Variants in GSE1 observed in about 807,000 individuals in gnomAD.
The protein encoded by GSE1 is Gse1 coiled-coil protein, also known as genetic suppressor element 1.
GSE1 carries 32 observed loss-of-function variants against 112.6 expected under a neutral mutation model. The observed-to-expected ratio is 0.28, with a 90% confidence interval of 0.21 to 0.38. The LOEUF is 0.38. Among genes scored for constraint, GSE1 ranks in the 10% least tolerant of loss-of-function variants. The pLI is 1.00. For missense variants in GSE1, 2,348 were observed against 1,699.2 expected, an observed-to-expected ratio of 1.38 and a Z score of -6.71; for synonymous variants, 1,115 against 735.6, an observed-to-expected ratio of 1.52 and a Z score of -8.35.
intron 1 of GSE1, among the ~76,000 whole-genome samples, chr16:85,194,239 AC>A (rs2074884536): frequency 6.6e-6 from 1 of 151,966 alleles, no homozygotes; most frequent in African/African-American, 2.4e-5. Context: ...CTGGGCTGAG[AC>A]CCCTGGCCCT....
At chr16:85,383,569 C>G (rs998688392) in intron 2 of GSE1, among the ~76,000 whole-genome samples, 1 of 141,914 alleles carries the variant, frequency 7.0e-6, no homozygotes, top group Non-Finnish European at 1.5e-5. Context: ...CTCTCTCTCT[C>G]TCTCTGACAC....
chr16:85,241,224 A>G (rs924770890), intron 1 of GSE1, among the ~76,000 whole-genome samples: 1 of 152,046 alleles, frequency 6.6e-6, no homozygotes, highest in Non-Finnish European at 1.5e-5. Context: ...CTCCTCCCAG[A>G]GCCTCAGTTC....
At chr16:85,320,702 G>A (rs943791012) in intron 1 of GSE1, among the ~76,000 whole-genome samples, 2 of 152,176 alleles carry the variant, frequency 1.3e-5, no homozygotes, top group South Asian at 2.1e-4. Flanking sequence ...GAGGTTTTGA[G>A]CAGCATGACT....
chr16:85,190,577 C>G (rs540801774), intron 1 of GSE1, among the ~76,000 whole-genome samples: 4 of 152,376 alleles, frequency 2.6e-5, no homozygotes, highest in Non-Finnish European at 5.9e-5. Flanking sequence ...GTCTAACACT[C>G]TTCACTTTAA....
At chr16:85,446,330 G>T (rs1239121596) in intron 2 of GSE1, among the ~76,000 whole-genome samples, 1 of 152,206 alleles carries the variant, frequency 6.6e-6, no homozygotes, top group Admixed American at 6.5e-5. Flanking sequence ...GGCGGTAGCT[G>T]CAATGCTCTC....
intron 2 of GSE1, among the ~76,000 whole-genome samples, chr16:85,397,887 C>T (rs1046090052): frequency 6.7e-6 from 1 of 148,852 alleles, no homozygotes; most frequent in Non-Finnish European, 1.5e-5. Context: ...CTTCTGGAAG[C>T]AAATGAGCCC....
In GSE1 at chr16:85,674,529, A is replaced by G. The variant is rs2053575877; in HGVS notation, c.*1990A>G. On this transcript the variant is annotated 3_prime_UTR_variant, in exon 16 of 16. Transcript: ENST00000253458. ...ATCTCACTGGATTTCTCCACTGAAA[A>G]CCTACTTGAGGTTTCTGGTCTGAAG... The G allele has an allele frequency of 6.6e-6, 1 of 152,182 alleles. No homozygotes were observed. Among genetic ancestry groups the G allele is most frequent in the South Asian group, 2.1e-4 (1 of 4,832 alleles). 9.4% of individuals were successfully genotyped at this position (152,182 alleles called of 1,614,324 possible). A position where few individuals can be genotyped will look rare whatever the true frequency, so the allele number is the denominator to read the frequency against.
At chr16:85,496,171 C>A (rs1309863117) in intron 2 of GSE1, among the ~76,000 whole-genome samples, 2 of 152,206 alleles carry the variant, frequency 1.3e-5, no homozygotes, top group African/African-American at 2.4e-5. Flanking sequence ...CTTGACCTCG[C>A]TCCCCAGAGG....
At chr16:85,272,332 C>A (rs917346910) in intron 1 of GSE1, among the ~76,000 whole-genome samples, 10 of 152,212 alleles carry the variant, frequency 6.6e-5, no homozygotes, top group South Asian at 2.1e-4. Flanking sequence ...GGTGTCGGGG[C>A]CTTTGCCATC....
chr16:85,275,774 C>A (rs962301944), intron 1 of GSE1, among the ~76,000 whole-genome samples: 6 of 152,334 alleles, frequency 3.9e-5, no homozygotes, highest in Admixed American at 3.9e-4. Context: ...AACCGGGGCG[C>A]TGAGCCCCAT....
At chr16:85,654,642 C>A in intron 4 of GSE1, 152 bp from the exon 5 acceptor site, 1 of 711,120 alleles carries the variant, frequency 1.4e-6, no homozygotes. Context: ...AGCTCGCTCC[C>A]CCCGCTGCTT....
Position 85,672,463 on chromosome 16 carries a change from T to G in GSE1, c.3578T>G (p.Leu1193Arg), listed in dbSNP as rs1392166041. ...VSERERLQAE[L>R]DHLRKCLALP... ...GAAAGGGAGCGGCTCCAGGCAGAAC[T>G]GGACCACTTACGAAAGTGCCTTGCC... Residue 1193 changes from leucine to arginine, a missense_variant, in exon 16 of 16, where the codon CTG (leucine) becomes CGG (arginine). Coordinates refer to ENST00000253458, the MANE Select transcript of GSE1 (RefSeq NM_014615.5). 1.2e-6 allele frequency: 2 copies of G among 1,610,498 alleles called. No homozygotes were observed. The highest frequency in any genetic ancestry group is 1.7e-6 in the Non-Finnish European group (2 of 1,177,132).
At chr16:85,501,835 G>A (rs967258693) in intron 2 of GSE1, among the ~76,000 whole-genome samples, 7 of 152,346 alleles carry the variant, frequency 4.6e-5, no homozygotes, top group Non-Finnish European at 1.0e-4. Context: ...CCCCGACAGG[G>A]CCCTGCCTCC....
rs551672397 is a variant in GSE1, at chr16:85,268,154, C to A, written c.2284-89309C>A. 6.6e-4 allele frequency among the ~76,000 whole-genome samples: 100 copies of A among 152,238 alleles called. 1 individual carries two copies. The highest frequency in any genetic ancestry group is 3.5e-3 in the Admixed American group (53 of 15,278). Reference sequence around the variant, plus strand: ...TGACACAGTGCTGTCTATCCTGCTGCCTTGGGGGGATTGCTTGGGGCCCAG... The same window carrying A: ...TGACACAGTGCTGTCTATCCTGCTGACTTGGGGGGATTGCTTGGGGCCCAG... On this transcript the variant is annotated intron_variant, in intron 1 of 2. Coordinates refer to the GSE1 transcript ENST00000637419.
chr16:85,501,787 C>A (rs144345229), intron 2 of GSE1, among the ~76,000 whole-genome samples: 28 of 152,246 alleles, frequency 1.8e-4, no homozygotes, highest in African/African-American at 5.5e-4. Context: ...CCCACAGAGG[C>A]TGCCCCTTGG....
intron 7 of GSE1, 100 bp from the exon 8 acceptor site, chr16:85,657,177 A>C: frequency 1.2e-6 from 1 of 808,758 alleles, no homozygotes; most frequent in Non-Finnish European, 1.9e-6. Context: ...ACCCTTTGGA[A>C]GGGCTCTGGT....
At chr16:85,556,236 G>T (rs1450455199) in exon 1 of GSE1, 1 of 984,616 alleles carries the variant, frequency 1.0e-6, no homozygotes, top group Non-Finnish European at 1.2e-6. Flanking sequence ...GAGCGCCGTG[G>T]CTTGAACGGT....
chr16:85,268,889 C>T (rs1254017248), intron 1 of GSE1, among the ~76,000 whole-genome samples: 3 of 149,914 alleles, frequency 2.0e-5, no homozygotes, highest in African/African-American at 7.3e-5. Context: ...AAGGATGGGA[C>T]CCATTTCTAC....
intron 2 of GSE1, among the ~76,000 whole-genome samples, chr16:85,636,552 C>G (rs769071978): frequency 9.9e-5 from 15 of 152,210 alleles, no homozygotes; most frequent in Admixed American, 5.9e-4. Flanking sequence ...CACGTTTCCC[C>G]GTCCATGGAA....
Sources: gnomAD v4.1 joint callset for allele counts (sites outside exome capture counted in the v4.1 genomes callset) on GRCh38, gnomAD v4.1.1 for gene constraint, MANE v1.5 for transcripts, NCBI Gene and HGNC (gene_info 2026-07-23, HGNC 2026-07-21) for gene names.